Variants in KIF1C observed in about 807,000 individuals in gnomAD.
The protein encoded by KIF1C is kinesin family member 1C, also known as kinesin-like protein KIF1C.
In KIF1C, 61 loss-of-function variants were observed where a neutral mutation model predicts 126.5. That is an observed-to-expected ratio of 0.48 (90% CI 0.39 to 0.60). KIF1C has a LOEUF of 0.60. Among genes scored for constraint, KIF1C ranks in the 20% least tolerant of loss-of-function variants. The pLI is 0.00. For synonymous variants in KIF1C, 640 were observed against 580.6 expected (o/e 1.10, Z -1.47); for missense variants, 1,315 against 1,489.2 (o/e 0.88, Z 1.93).
At chr17:5,021,330 G>T (rs1975087800) in intron 21 of KIF1C, among the ~76,000 whole-genome samples, 1 of 151,860 alleles carries the variant, frequency 6.6e-6, no homozygotes, top group Non-Finnish European at 1.5e-5. Context: ...CCGCCACCAT[G>T]CCTGGCTAAT....
Position 5,002,050 on chromosome 17 carries a change from C to T in KIF1C, c.364-9C>T, listed in dbSNP as rs1361210442. 2 of 1,613,574 alleles carry T rather than the reference C, an allele frequency of 1.2e-6. No homozygotes were observed. Among genetic ancestry groups the T allele is most frequent in the Non-Finnish European group, 1.7e-6 (2 of 1,179,514 alleles). On this transcript the variant is annotated splice_polypyrimidine_tract_variant and intron_variant, in intron 5 of 22. Coordinates refer to ENST00000320785, the MANE Select transcript of KIF1C (RefSeq NM_006612.6). ...GAGCTTCTCTGTATTTCCCTGTGTCCCCCTCCAGCTCTGTGAGGACCTCTT... is the reference window on the plus strand; with the variant it reads ...GAGCTTCTCTGTATTTCCCTGTGTCTCCCTCCAGCTCTGTGAGGACCTCTT...
rs562817131 is a variant in KIF1C, at chr17:5,017,450, C to A, written c.1667-2546C>A. On this transcript the variant is annotated intron_variant, in intron 18 of 22. Coordinates refer to ENST00000320785, the MANE Select transcript of KIF1C (RefSeq NM_006612.6). ...GAGTAGCTGGGACTACAGGCGCCCC[C>A]CCACCACCACACCCGGCTCATTTTT... is the stretch of plus-strand genomic sequence containing the variant. Among the ~76,000 whole-genome samples the A allele has an allele frequency of 3.4e-4, 51 of 152,088 alleles. 1 individual carries two copies. In the East Asian group the frequency reaches 8.7e-3, roughly 26 times the overall value.
intron 11 of KIF1C, 139 bp from the exon 12 acceptor site, chr17:5,004,428 C>A: frequency 2.6e-6 from 2 of 761,696 alleles, no homozygotes; most frequent in Non-Finnish European, 4.6e-6. Context: ...ATGGTTAGCT[C>A]CACCCCGCTA....
In KIF1C at chr17:5,004,008, A is replaced by T; in HGVS notation, c.875A>T (p.Lys292Met). 6.2e-7 allele frequency: 1 copy of T among 1,614,098 alleles called. No homozygotes were observed. The highest frequency in any genetic ancestry group is 8.5e-7 in the Non-Finnish European group (1 of 1,180,002). ...CCTTTTATCCCCCAGCAATCAAAGA[A>T]GCGAAAGTCGGATTTTATCCCCTAC... is the stretch of plus-strand genomic sequence containing the variant. Reference protein sequence around the residue: ...ISALADMQSKKRKSDFIPYRD... With the variant: ...ISALADMQSKMRKSDFIPYRD... The change falls in exon 11 of 23, where the codon AAG becomes ATG. Residue 292 changes from lysine (K) to methionine (M), a missense_variant. This residue lies in a region of KIF1C where 874 missense variants were observed against 1,053.2 expected (regional missense o/e 0.83). Transcript: ENST00000320785.
Position 5,023,932 on chromosome 17 carries a change from G to T in KIF1C, c.3093G>T (p.Arg1031Ser). 6.4e-7 allele frequency: 1 copy of T among 1,570,448 alleles called. No homozygotes were observed. Among genetic ancestry groups the T allele is most frequent in the South Asian group, 1.2e-5 (1 of 85,128 alleles). The change falls in exon 23 of 23, where the codon AGG becomes AGT. Residue 1031 changes from arginine to serine, a missense_variant. Arg to Ser is a moderately radical substitution (Grantham distance 110, BLOSUM62 -1). This residue lies in a region of KIF1C where 441 missense variants were observed against 436.1 expected (regional missense o/e 1.01). Transcript: ENST00000320785. This position sits in a 1 kb window ranked among gnomAD's most constrained non-coding sequence, Gnocchi z 4.2. ...PSPRRSHHPR[R>S]NSLDGGGRSR... ...CCCGAAGGTCCCACCATCCCCGCAG[G>T]AACTCCCTGGATGGAGGGGGCCGAT...
Position 5,000,303 on chromosome 17 carries a change from G to A in KIF1C, c.57G>A (p.Glu19=). The part of the protein sequence containing the change: ...AVRVRPFNAR[E]TSQDAKCVVS... ...GGGTTCGGCCCTTTAACGCCCGTGAGACCAGCCAGGATGCCAAGTGTGTGG... is the reference window on the plus strand; with the variant it reads ...GGGTTCGGCCCTTTAACGCCCGTGAAACCAGCCAGGATGCCAAGTGTGTGG... Residue 19 remains glutamate (E), a synonymous_variant, in exon 3 of 23, where the codon GAG becomes GAA. Coordinates refer to ENST00000320785, the MANE Select transcript of KIF1C (RefSeq NM_006612.6). 2 of 1,594,134 alleles carry A rather than the reference G, an allele frequency of 1.3e-6. No individual in the cohort carries two copies. Among genetic ancestry groups the A allele is most frequent in the Non-Finnish European group, 1.7e-6 (2 of 1,171,624 alleles).
intron 8 of KIF1C, 50 bp downstream of exon 8, chr17:5,002,892 C>A (rs959464085): frequency 5.7e-6 from 8 of 1,401,628 alleles, no homozygotes; most frequent in South Asian, 1.2e-5. Context: ...CCTCCCCTGG[C>A]AACAGGGACA....
chr17:5,016,942 T>C (rs552551978), intron 18 of KIF1C, among the ~76,000 whole-genome samples: 1 of 151,212 alleles, frequency 6.6e-6, no homozygotes, highest in Admixed American at 6.6e-5. Flanking sequence ...TCGGTTTCCA[T>C]ATGGTTCAGG....
chr17:5,026,921 C>CA lies in KIF1C; in HGVS notation c.*2770_*2771insA, dbSNP rs946398986. On this transcript the variant is annotated 3_prime_UTR_variant, in exon 23 of 23. Coordinates refer to ENST00000320785, the MANE Select transcript of KIF1C (RefSeq NM_006612.6). ...TGGGCAACATAGTGAGACTGCCCCC[C>CA]CCATCTCTACAAAAAATAAAAATCA... 1 of 151,982 alleles carries CA rather than the reference C, an allele frequency of 6.6e-6. No individual in the cohort carries two copies. Among genetic ancestry groups the CA allele is most frequent in the African/African-American group, 2.4e-5 (1 of 41,380 alleles). The allele number at this position is 151,982 out of a possible 1,614,324, so 9.4% of individuals were successfully genotyped here.
intron 3 of KIF1C, 34 bp from the exon 4 acceptor site, chr17:5,000,738 G>A: frequency 6.2e-7 from 1 of 1,605,458 alleles, no homozygotes; most frequent in Non-Finnish European, 8.5e-7. Flanking sequence ...ACCTGACCTT[G>A]ACTTTCCTTC....
chr17:5,020,017 G>A lies in KIF1C; in HGVS notation c.1688G>A (p.Cys563Tyr), dbSNP rs777770224. ...TCAGTGGTGGTCACTCTGGAGCCTTGTGAAGGAGCTGAGACATATGTGAAT... is the reference window on the plus strand; with the variant it reads ...TCAGTGGTGGTCACTCTGGAGCCTTATGAAGGAGCTGAGACATATGTGAAT... ...DGEVVVTLEP[C>Y]EGAETYVNGK... The change falls in exon 19 of 23, where the codon TGT becomes TAT. Residue 563 changes from cysteine (C) to tyrosine (Y), a missense_variant. Physicochemically the swap from Cys to Tyr is radical, Grantham distance 194. Around this residue, in one of 2 missense-constraint regions of KIF1C, gnomAD observed 874 missense variants for 1,053.2 expected, o/e 0.83. Coordinates refer to ENST00000320785, the MANE Select transcript of KIF1C (RefSeq NM_006612.6). This position sits in a 1 kb window ranked among gnomAD's most constrained non-coding sequence, Gnocchi z 5.8. 3.7e-6 allele frequency: 6 copies of A among 1,605,440 alleles called. No individual in the cohort carries two copies. The highest frequency in any genetic ancestry group is 4.3e-6 in the Non-Finnish European group (5 of 1,175,902).
At chr17:5,001,496 GA>G in intron 5 of KIF1C, 95 bp downstream of exon 5, 1 of 1,254,848 alleles carries the variant, frequency 8.0e-7, no homozygotes, top group South Asian at 1.4e-5. Context: ...ATGGAACAGA[GA>G]CCTGGCTCTG....
intron 17 of KIF1C, 143 bp from the exon 18 acceptor site, chr17:5,014,600 A>G (rs1974933212): frequency 1.5e-6 from 1 of 670,108 alleles, no homozygotes; most frequent in African/African-American, 1.8e-5. Context: ...CGGGCAAGCC[A>G]TTTCACCTCC....
chr17:5,015,479 C>T (rs1974953132), intron 18 of KIF1C, among the ~76,000 whole-genome samples: 1 of 150,652 alleles, frequency 6.6e-6, no homozygotes, highest in Non-Finnish European at 1.5e-5. Flanking sequence ...GACGGGGTTT[C>T]TCCCATGTTG....
intron 16 of KIF1C, 58 bp downstream of exon 16, chr17:5,007,600 G>A: frequency 7.1e-7 from 1 of 1,401,734 alleles, no homozygotes; most frequent in Non-Finnish European, 9.7e-7. Flanking sequence ...TAGAAAAGAG[G>A]CAGCAGGTGC....
At chr17:5,021,604 C>T (rs1320527619) in intron 21 of KIF1C, among the ~76,000 whole-genome samples, 1 of 152,144 alleles carries the variant, frequency 6.6e-6, no homozygotes, top group African/African-American at 2.4e-5. Flanking sequence ...CCTCAACCTC[C>T]TGAGTAGCTG....
In KIF1C at chr17:5,022,449, G is replaced by T; in HGVS notation, c.2368G>T (p.Asp790Tyr). 6.3e-7 allele frequency: 1 copy of T among 1,583,052 alleles called. No homozygotes were observed. Among genetic ancestry groups the T allele is most frequent in the Non-Finnish European group, 8.6e-7 (1 of 1,163,246 alleles). Residue 790 changes from aspartate to tyrosine, a missense_variant, in exon 22 of 23, where the codon GAC becomes TAC. By Grantham distance (160) the Asp-to-Tyr change is radical. Transcript: ENST00000320785. This position sits in a 1 kb window ranked among gnomAD's most constrained non-coding sequence, Gnocchi z 4.9. ...RELCRTYGKP[D>Y]GPGDAWRAVA... ...GCTGTGTCGCACCTATGGCAAGCCA[G>T]ACGGCCCCGGAGACGCCTGGAGGGC...
intron 11 of KIF1C, 52 bp from the exon 12 acceptor site, chr17:5,004,514 AC>A: frequency 1.3e-6 from 2 of 1,553,240 alleles, no homozygotes; most frequent in Non-Finnish European, 1.8e-6. Flanking sequence ...ACCCGGTCTG[AC>A]TTTGCTTAGC....
chr17:5,000,019 G>T (rs1974539494), intron 2 of KIF1C, 49 bp downstream of exon 2: 10 of 546,574 alleles, frequency 1.8e-5, no homozygotes, highest in Non-Finnish European at 3.3e-5. Flanking sequence ...ATATGGCTGG[G>T]GAGAGAGGCA....
Sources: allele counts gnomAD v4.1 joint callset (sites outside exome capture counted in the v4.1 genomes callset), GRCh38; gene constraint gnomAD v4.1.1; regional missense constraint gnomAD v4.1.1; non-coding constraint Gnocchi (gnomAD v3.1); transcripts MANE v1.5; gene names NCBI Gene and HGNC (gene_info 2026-07-23, HGNC 2026-07-21).